LOC128125817: variants seen among roughly 807,000 people sequenced by gnomAD.
the LOC128125817 span, among the ~76,000 whole-genome samples, chr1:41,609,740 C>T: frequency 6.6e-6 from 1 of 152,362 alleles, no homozygotes; most frequent in South Asian, 2.1e-4. Context: ...AGAACACACG[C>T]CGTTCCCAAT....
At chr1:41,586,600 C>A in the LOC128125817 span, among the ~76,000 whole-genome samples, 1,927 of 152,274 alleles carry the variant, frequency 0.013, 54 homozygotes, top group African/African-American at 0.043. Context: ...TCACACTCTT[C>A]GTTTCACTAG....
chr1:41,590,446 C>T, the LOC128125817 span, among the ~76,000 whole-genome samples: 1 of 152,220 alleles, frequency 6.6e-6, no homozygotes, highest in African/African-American at 2.4e-5. Context: ...AGGAAAAGTG[C>T]TTGCCCTCCA....
chr1:41,588,714 G>A, the LOC128125817 span, among the ~76,000 whole-genome samples: 2 of 152,172 alleles, frequency 1.3e-5, no homozygotes, highest in African/African-American at 4.8e-5. Context: ...AGCACCGTTG[G>A]CTGCCAGGGC....
At chr1:41,605,373 GCGCA>G in the LOC128125817 span, among the ~76,000 whole-genome samples, 3,879 of 106,726 alleles carry the variant, frequency 0.036, 64 homozygotes, top group Middle Eastern at 0.071. Context: ...ACACGCACAC[GCGCA>G]CACACACACA....
chr1:41,615,849 A>G, the LOC128125817 span, among the ~76,000 whole-genome samples: 6 of 97,850 alleles, frequency 6.1e-5, no homozygotes, highest in Non-Finnish European at 7.4e-5. Flanking sequence ...TTTTTTTAGC[A>G]GGGTGGTGAG....
chr1:41,609,418 C>T, the LOC128125817 span, among the ~76,000 whole-genome samples: 5 of 152,372 alleles, frequency 3.3e-5, no homozygotes, highest in South Asian at 2.1e-4. Context: ...TGCCTAAGGG[C>T]GTGCAAGCCT....
At chr1:41,628,627 G>T in the LOC128125817 span, 1 of 802,530 alleles carries the variant, frequency 1.2e-6, no homozygotes, top group South Asian at 6.6e-5. Flanking sequence ...GCACCAGAAA[G>T]GCAACGATAA....
At chr1:41,595,743 TA>T in the LOC128125817 span, among the ~76,000 whole-genome samples, 1 of 152,096 alleles carries the variant, frequency 6.6e-6, no homozygotes, top group African/African-American at 2.4e-5. Context: ...GTGTCCAGGA[TA>T]AAAGCAGGTA....
At chr1:41,622,444 G>C in the LOC128125817 span, among the ~76,000 whole-genome samples, 1 of 152,178 alleles carries the variant, frequency 6.6e-6, no homozygotes, top group Non-Finnish European at 1.5e-5. Context: ...TGGGAATGCT[G>C]AGCTAAGGGT....
At chr1:41,605,019 C>T in the LOC128125817 span, among the ~76,000 whole-genome samples, 10 of 149,534 alleles carry the variant, frequency 6.7e-5, no homozygotes, top group Admixed American at 2.0e-4. Flanking sequence ...GTGGGAGGAT[C>T]GCTTGATCCC....
the LOC128125817 span, among the ~76,000 whole-genome samples, chr1:41,620,155 CAG>C: frequency 1.3e-5 from 2 of 152,184 alleles, no homozygotes; most frequent in African/African-American, 4.8e-5. Context: ...GCATGCCAAA[CAG>C]AGCCCGAACA....
chr1:41,618,268 A>T, the LOC128125817 span, among the ~76,000 whole-genome samples: 1 of 152,256 alleles, frequency 6.6e-6, no homozygotes, highest in Non-Finnish European at 1.5e-5. Context: ...TGCGCTCAGC[A>T]GACTCTGCGG....
At chr1:41,587,773 A>C in the LOC128125817 span, among the ~76,000 whole-genome samples, 3 of 152,124 alleles carry the variant, frequency 2.0e-5, no homozygotes, top group Non-Finnish European at 4.4e-5. Context: ...GCAGGACTGG[A>C]CCATCCTGTG....
the LOC128125817 span, among the ~76,000 whole-genome samples, chr1:41,614,292 C>CG: frequency 1.3e-5 from 2 of 152,164 alleles, no homozygotes; most frequent in Non-Finnish European, 2.9e-5. Flanking sequence ...GGCCACCAGC[C>CG]CTGAGTCTAA....
At chr1:41,592,099 G>A in the LOC128125817 span, among the ~76,000 whole-genome samples, 1 of 152,134 alleles carries the variant, frequency 6.6e-6, no homozygotes, top group Non-Finnish European at 1.5e-5. Flanking sequence ...GAGCACCTGG[G>A]TCTCCTCACC....
chr1:41,602,180 T>C, the LOC128125817 span, among the ~76,000 whole-genome samples: 20 of 152,216 alleles, frequency 1.3e-4, no homozygotes, highest in Admixed American at 1.2e-3. Flanking sequence ...TCTATATTCA[T>C]TAAGAATATT....
the LOC128125817 span, among the ~76,000 whole-genome samples, chr1:41,585,776 T>C: frequency 1.3e-5 from 2 of 152,040 alleles, no homozygotes; most frequent in Non-Finnish European, 1.5e-5. Flanking sequence ...CCCAATGACA[T>C]TGGAGATGCA....
chr1:41,623,401 C>T, the LOC128125817 span, among the ~76,000 whole-genome samples: 4 of 152,182 alleles, frequency 2.6e-5, no homozygotes, highest in Admixed American at 2.0e-4. Context: ...CACACACTTG[C>T]TATTTTTAAA....
the LOC128125817 span, among the ~76,000 whole-genome samples, chr1:41,624,060 A>C: frequency 2.9e-4 from 44 of 152,184 alleles, no homozygotes; most frequent in Non-Finnish European, 1.5e-4. Context: ...AGACTTCCCA[A>C]GCCTCAGCAG....
Sources: allele counts gnomAD v4.1 joint callset (sites outside exome capture counted in the v4.1 genomes callset), GRCh38; gene constraint gnomAD v4.1.1; transcripts MANE v1.5.